MLIP: variants seen among roughly 807,000 people sequenced by gnomAD.
MLIP encodes the protein muscular LMNA-interacting protein.
In MLIP, 79 loss-of-function variants were observed where a neutral mutation model predicts 84.8. The observed-to-expected ratio is 0.93, with a 90% confidence interval of 0.78 to 1.12. The LOEUF is 1.12. Ranked by LOEUF, MLIP falls within the 50% of genes most tolerant of loss-of-function variation. MLIP has a pLI of 0.00. For missense variants in MLIP, 1,257 were observed against 1,160.6 expected, an observed-to-expected ratio of 1.08 and a Z score of -1.21; for synonymous variants, 504 against 463.0, an observed-to-expected ratio of 1.09 and a Z score of -1.14.
intron 1 of MLIP, among the ~76,000 whole-genome samples, chr6:54,055,559 G>A (rs1765616673): frequency 6.6e-6 from 1 of 152,038 alleles, no homozygotes; most frequent in Admixed American, 6.6e-5. Flanking sequence ...CATTAATTTA[G>A]TCAACAAATA....
At chr6:54,118,615 T>A (rs1360697416) in intron 1 of MLIP, among the ~76,000 whole-genome samples, 1 of 152,208 alleles carries the variant, frequency 6.6e-6, no homozygotes, top group Non-Finnish European at 1.5e-5. Flanking sequence ...GCAATAATTT[T>A]TTGGATATGA....
intron 12 of MLIP, among the ~76,000 whole-genome samples, chr6:54,239,433 T>C (rs2150831043): frequency 6.7e-6 from 1 of 148,362 alleles, no homozygotes; most frequent in Non-Finnish European, 1.5e-5. Flanking sequence ...ACATTATATA[T>C]GTATACAATG....
intron 1 of MLIP, among the ~76,000 whole-genome samples, chr6:54,080,343 C>T (rs1168232260): frequency 1.3e-5 from 2 of 152,084 alleles, no homozygotes. Flanking sequence ...TTTATATAAA[C>T]ATATAGACTC....
At chr6:54,231,628 G>T (rs1781008776) in intron 12 of MLIP, among the ~76,000 whole-genome samples, 1 of 152,124 alleles carries the variant, frequency 6.6e-6, no homozygotes, top group African/African-American at 2.4e-5. Flanking sequence ...TCTGATAAGG[G>T]CATCCTGGCT....
chr6:54,081,049 A>C (rs1219791844), intron 1 of MLIP, among the ~76,000 whole-genome samples: 1 of 151,984 alleles, frequency 6.6e-6, no homozygotes, highest in Non-Finnish European at 1.5e-5. Context: ...GCCCTTCAAG[A>C]CTCAAGCCAA....
At chr6:54,052,277 A>G (rs1415077814) in intron 1 of MLIP, among the ~76,000 whole-genome samples, 1 of 152,130 alleles carries the variant, frequency 6.6e-6, no homozygotes, top group Non-Finnish European at 1.5e-5. Context: ...CAACTATGAT[A>G]AATTGGACCA....
intron 12 of MLIP, among the ~76,000 whole-genome samples, chr6:54,255,987 G>A (rs1302603428): frequency 6.6e-6 from 1 of 152,112 alleles, no homozygotes; most frequent in Non-Finnish European, 1.5e-5. Context: ...CCATACTTAG[G>A]ATCTCAGGAG....
intron 1 of MLIP, among the ~76,000 whole-genome samples, chr6:54,028,672 C>T (rs1452549221): frequency 6.6e-6 from 1 of 152,158 alleles, no homozygotes; most frequent in Non-Finnish European, 1.5e-5. Flanking sequence ...TTCATTCAGC[C>T]CAGCAATCCT....
At chr6:54,024,981 G>A (rs1763712905) in intron 1 of MLIP, among the ~76,000 whole-genome samples, 1 of 150,706 alleles carries the variant, frequency 6.6e-6, no homozygotes, top group African/African-American at 2.4e-5. Flanking sequence ...GGGACCACAG[G>A]CACATGCTGC....
At position 54,249,736 on chromosome 6, in the gene MLIP, T is replaced by C. The variant is rs76036584; in HGVS notation, c.2923-7572T>C. 2.8e-3 allele frequency among the ~76,000 whole-genome samples: 367 copies of C among 129,832 alleles called. 1 individual carries two copies. Among genetic ancestry groups the C allele is most frequent in the East Asian group, 4.2e-3 (19 of 4,488 alleles). The allele number at this position is 129,832 out of a possible 152,430, so 85.2% of individuals were successfully genotyped here. A position where few individuals can be genotyped will look rare whatever the true frequency, so the allele number is the denominator to read the frequency against. On this transcript the variant is annotated intron_variant, in intron 12 of 13. Transcript: ENST00000502396. ...ACACACACACACACACACACACACA[T>C]ATATATATATACACACACACATATA... is the stretch of plus-strand genomic sequence containing the variant.
At chr6:54,220,710 A>G (rs1172996612) in intron 11 of MLIP, among the ~76,000 whole-genome samples, 1 of 152,214 alleles carries the variant, frequency 6.6e-6, no homozygotes, top group Non-Finnish European at 1.5e-5. Flanking sequence ...CATTTGAAAT[A>G]TATGAAATAC....
At chr6:54,090,959 T>G (rs910693008) in intron 1 of MLIP, among the ~76,000 whole-genome samples, 1 of 152,128 alleles carries the variant, frequency 6.6e-6, no homozygotes, top group Non-Finnish European at 1.5e-5. Flanking sequence ...GGCTATACTG[T>G]AAAGCAGTGT....
At chr6:54,127,664 TG>T (rs1273597849) in intron 3 of MLIP, among the ~76,000 whole-genome samples, 1 of 152,166 alleles carries the variant, frequency 6.6e-6, no homozygotes, top group East Asian at 1.9e-4. Context: ...TTAAACTTTT[TG>T]TCCCCTACAG....
intron 1 of MLIP, among the ~76,000 whole-genome samples, chr6:54,070,578 G>A (rs1766425093): frequency 6.6e-6 from 1 of 152,154 alleles, no homozygotes; most frequent in East Asian, 1.9e-4. Context: ...TTTTTCACAG[G>A]TAAATTGGTA....
intron 1 of MLIP, among the ~76,000 whole-genome samples, chr6:54,097,331 T>A (rs1240110915): frequency 6.6e-6 from 1 of 152,080 alleles, no homozygotes; most frequent in Non-Finnish European, 1.5e-5. Flanking sequence ...GAATGGAGGA[T>A]GAGATAAAGA....
chr6:54,082,536 A>G (rs911938924), intron 1 of MLIP, among the ~76,000 whole-genome samples: 4 of 152,222 alleles, frequency 2.6e-5, no homozygotes, highest in Non-Finnish European at 5.9e-5. Flanking sequence ...GGGACACAGT[A>G]AAACCAAATC....
rs1351831781 is a variant in MLIP at position 54,064,967 on chromosome 6, A to C, written c.63+45876A>C. ...GAGTAACCTACCAACATACAACAAC[A>C]ACCACAGAAAACACAAACTGATCTG... On this transcript the variant is annotated intron_variant, in intron 1 of 12. Coordinates refer to the MLIP transcript ENST00000274897. 3.0e-5 allele frequency among the ~76,000 whole-genome samples: 3 copies of C among 99,536 alleles called. 1 individual carries two copies. The highest frequency in any genetic ancestry group is 8.6e-5 in the Non-Finnish European group (3 of 34,772). The allele number at this position is 99,536 out of a possible 152,430, so 65.3% of individuals were successfully genotyped here. A position where few individuals can be genotyped will look rare whatever the true frequency, so the allele number is the denominator to read the frequency against.
intron 11 of MLIP, among the ~76,000 whole-genome samples, chr6:54,210,742 A>T (rs1562062294): frequency 6.6e-6 from 1 of 151,766 alleles, no homozygotes; most frequent in Non-Finnish European, 1.5e-5. Flanking sequence ...AAAAAAAAAA[A>T]AAAATGTTCT....
intron 10 of MLIP, among the ~76,000 whole-genome samples, chr6:54,201,897 T>C (rs916380780): frequency 6.6e-4 from 101 of 152,352 alleles, no homozygotes; most frequent in African/African-American, 2.3e-3. Flanking sequence ...ATGAACTGAT[T>C]GCTGTTATAG....
Sources: gnomAD v4.1 joint callset for allele counts (sites outside exome capture counted in the v4.1 genomes callset) on GRCh38, gnomAD v4.1.1 for gene constraint, MANE v1.5 for transcripts, NCBI Gene and HGNC (gene_info 2026-07-23, HGNC 2026-07-21) for gene names.